Variants in AOPEP observed in about 807,000 individuals in gnomAD.
AOPEP encodes aminopeptidase O (putative).
Under a neutral mutation model 98.1 loss-of-function variants are expected in AOPEP, and 77 were observed. That is an observed-to-expected ratio of 0.78 (90% CI 0.65 to 0.95). The LOEUF is 0.95. Among genes scored for constraint, AOPEP ranks in the 40% least tolerant of loss-of-function variants. The pLI is 0.00. For missense variants in AOPEP, 1,024 were observed against 1,024.7 expected (o/e 1.00, Z 0.01); for synonymous variants, 346 against 365.3 (o/e 0.95, Z 0.60).
At chr9:94,733,109 T>TC (rs1830939994) in intron 1 of AOPEP, among the ~76,000 whole-genome samples, 2 of 149,124 alleles carry the variant, frequency 1.3e-5, no homozygotes, top group South Asian at 2.1e-4. Flanking sequence ...CTTTCTCTTT[T>TC]TTTTTTTTTT....
chr9:95,003,660 C>A (rs1358870680), intron 11 of AOPEP, among the ~76,000 whole-genome samples: 1 of 152,140 alleles, frequency 6.6e-6, no homozygotes, highest in African/African-American at 2.4e-5. Context: ...TATATATTTC[C>A]TTTACAGTAA....
intron 13 of AOPEP, among the ~76,000 whole-genome samples, chr9:95,033,306 A>C (rs1423520149): frequency 6.6e-6 from 1 of 152,078 alleles, no homozygotes; most frequent in Non-Finnish European, 1.5e-5. Context: ...CCGTGTGCTC[A>C]GCATGTCTCT....
intron 3 of AOPEP, among the ~76,000 whole-genome samples, chr9:94,782,151 C>CT (rs924118537): frequency 6.6e-6 from 1 of 151,620 alleles, no homozygotes; most frequent in African/African-American, 2.4e-5. Context: ...GATCGTGCCA[C>CT]TGCACTCCAG....
intron 5 of AOPEP, chr9:94,810,142 G>A (rs1288626481): frequency 6.5e-6 from 1 of 154,898 alleles, no homozygotes; most frequent in Admixed American, 6.5e-5. Context: ...CTGCTTTTCT[G>A]TTGCTCAGAA....
chr9:95,110,274 C>G, the AOPEP span: 1 of 1,011,356 alleles, frequency 9.9e-7, no homozygotes, highest in Non-Finnish European at 1.2e-6. Flanking sequence ...AAGTGATTCT[C>G]TGTCAGTAAC....
At chr9:94,860,800 A>G (rs775389314) in intron 5 of AOPEP, among the ~76,000 whole-genome samples, 2 of 152,166 alleles carry the variant, frequency 1.3e-5, no homozygotes, top group Non-Finnish European at 1.5e-5. Flanking sequence ...AGGTTTAAGA[A>G]GCCACTTAGC....
intron 13 of AOPEP, among the ~76,000 whole-genome samples, chr9:95,029,116 C>G (rs1166217323): frequency 6.6e-6 from 1 of 152,110 alleles, no homozygotes; most frequent in Non-Finnish European, 1.5e-5. Context: ...CTGGGACTCC[C>G]TAGGATGTGG....
intron 13 of AOPEP, among the ~76,000 whole-genome samples, chr9:95,009,321 T>C (rs1310272514): frequency 6.6e-6 from 1 of 151,992 alleles, no homozygotes; most frequent in Non-Finnish European, 1.5e-5. Flanking sequence ...AGTAACTCTT[T>C]TATCAATATT....
Position 94,760,543 on chromosome 9 carries a change from G to C in AOPEP, c.760G>C (p.Gly254Arg), listed in dbSNP as rs1055598699. 6.4e-7 allele frequency: 1 copy of C among 1,564,418 alleles called. No homozygotes were observed. Among genetic ancestry groups the C allele is most frequent in the Admixed American group, 1.9e-5 (1 of 51,402 alleles). Residue 254 changes from glycine (G) to arginine (R), a missense_variant, in exon 2 of 17, where the codon GGG becomes CGG. By Grantham distance (125) the Gly-to-Arg change is moderately radical. Coordinates refer to ENST00000375315, the MANE Select transcript of AOPEP (RefSeq NM_001193329.3). ...IRIWYKTKPE[G>R]RSVTWTSDQS... ...GATATGGTACAAAACTAAACCTGAA[G>C]GGCGATCGGTTACATGGACCTCAGA...
At chr9:94,805,339 G>A (rs1395556456) in intron 5 of AOPEP, among the ~76,000 whole-genome samples, 1 of 152,198 alleles carries the variant, frequency 6.6e-6, no homozygotes, top group Non-Finnish European at 1.5e-5. Context: ...GAAGGGAGAA[G>A]TCTCAGATCA....
At chr9:94,927,252 T>G (rs1243306666) in intron 6 of AOPEP, among the ~76,000 whole-genome samples, 6 of 152,220 alleles carry the variant, frequency 3.9e-5, no homozygotes, top group East Asian at 1.9e-4. Flanking sequence ...ACTCATGACT[T>G]ACTTAACCTT....
intron 11 of AOPEP, among the ~76,000 whole-genome samples, chr9:94,982,557 G>T (rs1564480321): frequency 6.8e-6 from 1 of 146,346 alleles, no homozygotes. Flanking sequence ...TATAATTCAA[G>T]AGCAATACTT....
intron 5 of AOPEP, among the ~76,000 whole-genome samples, chr9:94,865,962 T>C (rs1423217038): frequency 6.6e-6 from 1 of 152,270 alleles, no homozygotes; most frequent in African/African-American, 2.4e-5. Flanking sequence ...TTTGGCATTT[T>C]AACTCAGATT....
At chr9:95,121,231 G>GGCTT in the AOPEP span, among the ~76,000 whole-genome samples, 5 of 152,198 alleles carry the variant, frequency 3.3e-5, no homozygotes, top group African/African-American at 9.7e-5. Context: ...CCACAGTGCA[G>GGCTT]GCTTAGAAAA....
At chr9:95,124,717 T>C in the AOPEP span, among the ~76,000 whole-genome samples, 1 of 152,202 alleles carries the variant, frequency 6.6e-6, no homozygotes, top group South Asian at 2.1e-4. Context: ...ACATGCCATA[T>C]AGACCCCAGG....
At chr9:94,732,873 C>G (rs1441630224) in intron 1 of AOPEP, among the ~76,000 whole-genome samples, 4 of 152,210 alleles carry the variant, frequency 2.6e-5, no homozygotes, top group African/African-American at 9.6e-5. Context: ...TAGCACAGAT[C>G]TGTCTGTGTC....
the AOPEP span, among the ~76,000 whole-genome samples, chr9:95,140,689 C>A: frequency 6.6e-6 from 1 of 152,170 alleles, no homozygotes; most frequent in Non-Finnish European, 1.5e-5. Flanking sequence ...GGTTGCCAGA[C>A]AAACTCACAA....
At chr9:94,746,285 G>T (rs2132087779) in intron 1 of AOPEP, among the ~76,000 whole-genome samples, 1 of 152,260 alleles carries the variant, frequency 6.6e-6, no homozygotes, top group South Asian at 2.1e-4. Context: ...TGCAATAGAG[G>T]CCATGGATAT....
the AOPEP span, among the ~76,000 whole-genome samples, chr9:95,128,954 G>T: frequency 1.3e-5 from 2 of 151,686 alleles, no homozygotes; most frequent in Admixed American, 1.3e-4. Context: ...TGCCAGGCTG[G>T]AGTGCAGTGG....
Sources: gnomAD v4.1 joint callset for allele counts (sites outside exome capture counted in the v4.1 genomes callset) on GRCh38, gnomAD v4.1.1 for gene constraint, MANE v1.5 for transcripts, NCBI Gene and HGNC (gene_info 2026-07-23, HGNC 2026-07-21) for gene names.